Variants in MAP3K20 observed in about 807,000 individuals in gnomAD.
MAP3K20 encodes mitogen-activated protein kinase kinase kinase 20.
Under a neutral mutation model 85.7 loss-of-function variants are expected in MAP3K20, and 40 were observed. That is an observed-to-expected ratio of 0.47 (90% CI 0.36 to 0.61). MAP3K20 has a LOEUF of 0.61. MAP3K20 is among the 20% of genes least tolerant of loss of function. The pLI, the probability that MAP3K20 is intolerant of heterozygous loss-of-function variation, is 0.00. For missense variants in MAP3K20, 817 were observed against 961.7 expected (o/e 0.85, Z 1.99); for synonymous variants, 325 against 327.7 (o/e 0.99, Z 0.09).
chr2:173,187,212 A>G (rs1379833422), intron 4 of MAP3K20, among the ~76,000 whole-genome samples: 1 of 152,208 alleles, frequency 6.6e-6, no homozygotes, highest in African/African-American at 2.4e-5. Flanking sequence ...GCAGATTTAG[A>G]AGGTAGTTGG....
At chr2:173,162,089 G>A (rs879782642) in intron 2 of MAP3K20, among the ~76,000 whole-genome samples, 15 of 150,372 alleles carry the variant, frequency 1.0e-4, no homozygotes, top group African/African-American at 2.9e-4. Context: ...AAAAAATTAC[G>A]ATCCCTATTC....
At chr2:173,214,547 G>C (rs139106909) in intron 10 of MAP3K20, 19 of 152,252 alleles carry the variant, frequency 1.2e-4, no homozygotes, top group African/African-American at 4.6e-4. Context: ...CACAAATCAT[G>C]TAATATATAA....
intron 2 of MAP3K20, among the ~76,000 whole-genome samples, chr2:173,118,330 A>G (rs1382826446): frequency 2.6e-5 from 4 of 152,248 alleles, no homozygotes; most frequent in Admixed American, 2.0e-4. Context: ...AGCAAGACCT[A>G]ACCCACGGAG....
In MAP3K20 at chr2:173,239,362, AAAC is replaced by A. The variant is rs764385908; in HGVS notation, c.1267-37_1267-35del. On this transcript the variant is annotated intron_variant, in intron 15 of 19. Coordinates refer to ENST00000375213, the MANE Select transcript of MAP3K20 (RefSeq NM_016653.3). The stretch of plus-strand genomic sequence containing the variant: ...ATCATCTTCTTTACATGAGAAGTAA[AAAC>A]AACATCTAGAATAATTGGTGCTTGG... The A allele has an allele frequency of 9.0e-4, 1,371 of 1,527,434 alleles. 3 individuals carry two copies. The highest frequency in any genetic ancestry group is 1.2e-3 in the Middle Eastern group (7 of 5,734). 94.6% of individuals were successfully genotyped at this position (1,527,434 alleles called of 1,614,324 possible). A position where few individuals can be genotyped will look rare whatever the true frequency, so the allele number is the denominator to read the frequency against.
At chr2:173,244,597 A>G (rs766655927) in intron 16 of MAP3K20, among the ~76,000 whole-genome samples, 2 of 152,204 alleles carry the variant, frequency 1.3e-5, no homozygotes, top group Non-Finnish European at 2.9e-5. Flanking sequence ...TTTGTAGTAA[A>G]TATGTGCTAG....
At chr2:173,087,474 A>G (rs1687174753) in intron 1 of MAP3K20, among the ~76,000 whole-genome samples, 1 of 152,270 alleles carries the variant, frequency 6.6e-6, no homozygotes, top group Non-Finnish European at 1.5e-5. Context: ...TGAATAACAC[A>G]AGAAACTTTC....
At chr2:173,104,567 C>A (rs74359184) in intron 2 of MAP3K20, among the ~76,000 whole-genome samples, 7,986 of 152,214 alleles carry the variant, frequency 0.052, 288 homozygotes, top group Middle Eastern at 0.085. Context: ...GAGTTTAGTT[C>A]ATAGTCATGT....
chr2:173,235,145 T>C (rs1174330817), intron 14 of MAP3K20, among the ~76,000 whole-genome samples: 1 of 152,124 alleles, frequency 6.6e-6, no homozygotes, highest in Non-Finnish European at 1.5e-5. Flanking sequence ...GCAGATTTAT[T>C]AGAGAAAGTG....
At chr2:173,134,419 TATATATA>T (rs1435787278) in intron 2 of MAP3K20, among the ~76,000 whole-genome samples, 2 of 23,138 alleles carry the variant, frequency 8.6e-5, no homozygotes, top group Admixed American at 5.4e-4. Flanking sequence ...TATATATATA[TATATATA>T]TATTTTTTTT....
chr2:173,266,456 C>T lies in MAP3K20; in HGVS notation c.2109C>T (p.Ser703=). ...GATACAGTGGAAAGAGTCAGCATTC[C>T]ACTCCTTCAAGAGGAAGATACCCTG... ...RGRYSGKSQH[S]TPSRGRYPGK... Residue 703 remains serine (S), a synonymous_variant, in exon 20 of 20, where the codon TCC becomes TCT. Coordinates refer to ENST00000375213, the MANE Select transcript of MAP3K20 (RefSeq NM_016653.3). 6.2e-7 allele frequency: 1 copy of T among 1,614,088 alleles called. No homozygotes were observed. Among genetic ancestry groups the T allele is most frequent in the African/African-American group, 1.3e-5 (1 of 75,002 alleles).
chr2:173,100,168 G>T (rs564769133), intron 2 of MAP3K20, among the ~76,000 whole-genome samples: 1 of 152,342 alleles, frequency 6.6e-6, no homozygotes, highest in South Asian at 2.1e-4. Context: ...GTCCTGTTGT[G>T]AACTTTCTGA....
intron 8 of MAP3K20, among the ~76,000 whole-genome samples, chr2:173,199,619 C>G (rs1175233751): frequency 6.8e-6 from 1 of 147,866 alleles, no homozygotes; most frequent in East Asian, 2.0e-4. Context: ...TCAGTGTAAT[C>G]TTTTCCCTCT....
intron 12 of MAP3K20, among the ~76,000 whole-genome samples, chr2:173,230,539 G>A (rs533442808): frequency 3.1e-4 from 47 of 152,318 alleles, no homozygotes; most frequent in African/African-American, 1.0e-3. Flanking sequence ...GCTTTAGCCA[G>A]AGAAGCCCTA....
chr2:173,118,176 C>T (rs1449620569), intron 2 of MAP3K20, among the ~76,000 whole-genome samples: 1 of 152,170 alleles, frequency 6.6e-6, no homozygotes, highest in Admixed American at 6.5e-5. Context: ...TTTGTAATTC[C>T]ATTTTCCTCC....
At chr2:173,150,682 C>T (rs940602323) in intron 2 of MAP3K20, among the ~76,000 whole-genome samples, 5 of 152,174 alleles carry the variant, frequency 3.3e-5, no homozygotes, top group African/African-American at 1.2e-4. Context: ...TCTCCTGCTT[C>T]AGCCTCCTGG....
intron 3 of MAP3K20, among the ~76,000 whole-genome samples, chr2:173,172,994 C>T (rs2106254021): frequency 6.6e-6 from 1 of 152,126 alleles, no homozygotes; most frequent in South Asian, 2.1e-4. Context: ...GACGGGGTTT[C>T]ACCATGTTGG....
chr2:173,093,629 T>TA (rs869282166), intron 2 of MAP3K20, among the ~76,000 whole-genome samples: 1 of 152,118 alleles, frequency 6.6e-6, no homozygotes, highest in Non-Finnish European at 1.5e-5. Context: ...AAACTTTATT[T>TA]AAAAAAATTT....
intron 16 of MAP3K20, among the ~76,000 whole-genome samples, chr2:173,240,825 T>C (rs955894154): frequency 4.6e-5 from 7 of 152,210 alleles, no homozygotes; most frequent in African/African-American, 9.7e-5. Flanking sequence ...CCTATGTTTA[T>C]TGCAGCACTG....
rs1485189598 is a variant in MAP3K20, at chr2:173,266,784, A to T, written c.*34A>T. 7.1e-6 allele frequency: 3 copies of T among 419,896 alleles called. No homozygotes were observed. The highest frequency in any genetic ancestry group is 8.5e-5 in the African/African-American group (1 of 11,704). The allele number at this position is 419,896 out of a possible 1,614,324, so 26.0% of individuals were successfully genotyped here. On this transcript the variant is annotated 3_prime_UTR_variant, in exon 20 of 20. Transcript: ENST00000375213. The stretch of plus-strand genomic sequence containing the variant: ...ACTACATAGCTTTTCTAAGCAGGTT[A>T]AAAAAAAAAAAAAAAAGAAATGTAA...
Sources: gnomAD v4.1 joint callset for allele counts (sites outside exome capture counted in the v4.1 genomes callset) on GRCh38, gnomAD v4.1.1 for gene constraint, MANE v1.5 for transcripts, NCBI Gene and HGNC (gene_info 2026-07-23, HGNC 2026-07-21) for gene names.